The following KCNIP4 variants were observed in gnomAD, a reference collection of about 807,000 sequenced individuals.
KCNIP4 encodes Kv channel-interacting protein 4.
In KCNIP4, 12 loss-of-function variants were observed where a neutral mutation model predicts 34.0. That is an observed-to-expected ratio of 0.35 (90% CI 0.23 to 0.57). KCNIP4 has a LOEUF of 0.57. KCNIP4 is among the 20% of genes least tolerant of loss of function. KCNIP4 has a pLI of 0.83. For missense variants in KCNIP4, 238 were observed against 311.7 expected (o/e 0.76, Z 1.78); for synonymous variants, 124 against 102.2 (o/e 1.21, Z -1.29).
chr4:20,863,966 A>G (rs1252968257), intron 2 of KCNIP4, among the ~76,000 whole-genome samples: 2 of 151,778 alleles, frequency 1.3e-5, no homozygotes, highest in African/African-American at 4.8e-5. Flanking sequence ...ACACACATAC[A>G]TATACATATA....
intron 1 of KCNIP4, among the ~76,000 whole-genome samples, chr4:20,893,042 A>G (rs1726110803): frequency 6.6e-6 from 1 of 152,166 alleles, no homozygotes; most frequent in Non-Finnish European, 1.5e-5. Context: ...GAGTTGTCCT[A>G]ACACCCCATA....
intron 1 of KCNIP4, among the ~76,000 whole-genome samples, chr4:21,617,161 G>T (rs140236692): frequency 1.3e-5 from 2 of 152,168 alleles, no homozygotes; most frequent in South Asian, 4.1e-4. Flanking sequence ...AAATTAAAAG[G>T]TTGTGTACTG....
intron 1 of KCNIP4, among the ~76,000 whole-genome samples, chr4:21,565,288 G>C (rs1433495133): frequency 6.6e-6 from 1 of 152,122 alleles, no homozygotes; most frequent in African/African-American, 2.4e-5. Context: ...TCACATGGTA[G>C]AGAAAAAGTG....
chr4:20,952,178 C>A lies in KCNIP4; in HGVS notation c.62-69469G>T, dbSNP rs188766079. 1.1e-4 allele frequency among the ~76,000 whole-genome samples: 17 copies of A among 151,898 alleles called. No homozygotes were observed. In the East Asian group the frequency reaches 3.1e-3, roughly 28 times the overall value. ...TTGATCTACAATAAAACTTGCAGTA[C>A]AAGAGATTGATATAATATTAAATAT... On this transcript the variant is annotated intron_variant, in intron 1 of 8. Coordinates refer to ENST00000382152, the MANE Select transcript of KCNIP4 (RefSeq NM_025221.6).
chr4:21,659,096 C>A (rs1306603211), intron 1 of KCNIP4, among the ~76,000 whole-genome samples: 1 of 152,016 alleles, frequency 6.6e-6, no homozygotes, highest in Non-Finnish European at 1.5e-5. Context: ...TGCTTTTGTG[C>A]ATTTTATGGT....
At chr4:21,297,051 T>G (rs1763881535) in intron 1 of KCNIP4, among the ~76,000 whole-genome samples, 1 of 151,504 alleles carries the variant, frequency 6.6e-6, no homozygotes, top group Admixed American at 6.6e-5. Flanking sequence ...TGTGTTTGTG[T>G]GTGTATAAAT....
intron 1 of KCNIP4, among the ~76,000 whole-genome samples, chr4:21,216,026 A>G (rs1382129789): frequency 6.6e-6 from 1 of 152,120 alleles, no homozygotes; most frequent in African/African-American, 2.4e-5. Context: ...CCAGGAATCA[A>G]GCAATCCTCC....
At chr4:21,593,018 T>G (rs1742335815) in intron 1 of KCNIP4, among the ~76,000 whole-genome samples, 1 of 152,110 alleles carries the variant, frequency 6.6e-6, no homozygotes, top group South Asian at 2.1e-4. Flanking sequence ...CCAAGAGTTC[T>G]GATCTATGAT....
At chr4:21,387,666 G>T (rs1246464979) in intron 1 of KCNIP4, among the ~76,000 whole-genome samples, 1 of 152,152 alleles carries the variant, frequency 6.6e-6, no homozygotes, top group Non-Finnish European at 1.5e-5. Context: ...ATTTTGGCTT[G>T]CTTGGGACTA....
chr4:21,105,360 T>G (rs1560725329), intron 1 of KCNIP4, among the ~76,000 whole-genome samples: 1 of 151,686 alleles, frequency 6.6e-6, no homozygotes, highest in Non-Finnish European at 1.5e-5. Context: ...TTGAAGCAAT[T>G]GTGAATGGGA....
intron 1 of KCNIP4, among the ~76,000 whole-genome samples, chr4:21,121,791 G>A (rs1560741356): frequency 6.6e-6 from 1 of 152,158 alleles, no homozygotes; most frequent in African/African-American, 2.4e-5. Context: ...CCAGTACGAT[G>A]TCATGAAAAT....
At chr4:21,531,751 AATG>A (rs1736700521) in intron 1 of KCNIP4, among the ~76,000 whole-genome samples, 1 of 152,118 alleles carries the variant, frequency 6.6e-6, no homozygotes, top group Non-Finnish European at 1.5e-5. Context: ...CTGAAATAAT[AATG>A]ATGACAATGG....
intron 1 of KCNIP4, among the ~76,000 whole-genome samples, chr4:21,151,801 A>T (rs921195525): frequency 8.5e-5 from 13 of 152,168 alleles, no homozygotes; most frequent in Non-Finnish European, 1.8e-4. Context: ...GACACCCTCT[A>T]GCCTTGTGCA....
At chr4:21,218,598 T>C (rs944792987) in intron 1 of KCNIP4, among the ~76,000 whole-genome samples, 1 of 152,170 alleles carries the variant, frequency 6.6e-6, no homozygotes, top group African/African-American at 2.4e-5. Context: ...TAATAGGCCA[T>C]TGATACTCCT....
At chr4:21,513,298 C>T (rs926490619) in intron 1 of KCNIP4, among the ~76,000 whole-genome samples, 21 of 152,136 alleles carry the variant, frequency 1.4e-4, no homozygotes, top group African/African-American at 4.8e-4. Context: ...AGAAGACTCT[C>T]GTTCAGGCAA....
chr4:21,102,434 A>G lies in KCNIP4; in HGVS notation c.62-219725T>C, dbSNP rs150993204. Among the ~76,000 whole-genome samples the G allele has an allele frequency of 4.4e-3, 674 of 152,302 alleles. 4 individuals carry two copies. The highest frequency in any genetic ancestry group is 0.013 in the South Asian group (61 of 4,832). On this transcript the variant is annotated intron_variant, in intron 1 of 8. Transcript: ENST00000382152. ...AGAAAAGCAGATTTGGGATAGGGTT[A>G]GAAGATAATGAGGCCAGCCTTGGAC... is the stretch of plus-strand genomic sequence containing the variant.
chr4:20,808,357 A>G (rs1342697860), intron 3 of KCNIP4, among the ~76,000 whole-genome samples: 1 of 152,196 alleles, frequency 6.6e-6, no homozygotes, highest in Non-Finnish European at 1.5e-5. Context: ...AGGACACATC[A>G]GACATAATTT....
At chr4:20,898,430 A>G (rs1476561377) in intron 1 of KCNIP4, among the ~76,000 whole-genome samples, 1 of 152,172 alleles carries the variant, frequency 6.6e-6, no homozygotes, top group Non-Finnish European at 1.5e-5. Context: ...AACACCACTA[A>G]CAATGAATGA....
At position 21,108,496 on chromosome 4, in the gene KCNIP4, C is replaced by T. The variant is rs536256537; in HGVS notation, c.62-225787G>A. ...GTATTGGTTATTCTAGTTATACATT[C>T]GTCTAAATTTTTTTCAAAGTTTTTA... On this transcript the variant is annotated intron_variant, in intron 1 of 8. Coordinates refer to ENST00000382152, the MANE Select transcript of KCNIP4 (RefSeq NM_025221.6). Among the ~76,000 whole-genome samples, 128 of 151,684 alleles carry T rather than the reference C, an allele frequency of 8.4e-4. 4 individuals are homozygous for T. Among genetic ancestry groups the T allele is most frequent in the African/African-American group, 2.9e-3 (117 of 41,008 alleles).
Sources: gnomAD v4.1 joint callset for allele counts (sites outside exome capture counted in the v4.1 genomes callset) on GRCh38, gnomAD v4.1.1 for gene constraint, MANE v1.5 for transcripts, NCBI Gene and HGNC (gene_info 2026-07-23, HGNC 2026-07-21) for gene names.